TRAPPC9: variants seen among roughly 807,000 people sequenced by gnomAD.
The protein encoded by TRAPPC9 is trafficking protein particle complex subunit 9, also known as IKK2 binding protein.
In TRAPPC9, 83 loss-of-function variants were observed where a neutral mutation model predicts 124.0. The ratio of observed to expected loss-of-function variants is 0.67; its 90% CI spans 0.56 to 0.80. TRAPPC9 has a LOEUF of 0.80. Ranked by LOEUF, TRAPPC9 falls within the 30% of genes least tolerant of loss-of-function variation. The probability of loss-of-function intolerance (pLI) is 0.00; values close to 1 mark genes in which losing one functional copy is unlikely to be tolerated. For missense variants in TRAPPC9, 1,302 were observed against 1,508.3 expected, an observed-to-expected ratio of 0.86 and a Z score of 2.27; for synonymous variants, 638 against 617.5, an observed-to-expected ratio of 1.03 and a Z score of -0.49.
intron 16 of TRAPPC9, among the ~76,000 whole-genome samples, chr8:140,224,006 A>G (rs2063394426): frequency 6.6e-6 from 1 of 152,256 alleles, no homozygotes; most frequent in African/African-American, 2.4e-5. Flanking sequence ...AAAATGACAA[A>G]CTGATCTGTT....
intron 19 of TRAPPC9, among the ~76,000 whole-genome samples, chr8:139,975,849 T>C (rs2131632475): frequency 6.6e-6 from 1 of 151,782 alleles, no homozygotes; most frequent in South Asian, 2.1e-4. Flanking sequence ...ATAAGTGTCT[T>C]CAGAAAATAA....
intron 17 of TRAPPC9, among the ~76,000 whole-genome samples, chr8:140,196,907 C>G (rs964172289): frequency 1.5e-4 from 23 of 152,258 alleles, no homozygotes; most frequent in African/African-American, 5.3e-4. Context: ...ATCCACTATA[C>G]AGATCATACC....
intron 17 of TRAPPC9, among the ~76,000 whole-genome samples, chr8:140,155,261 T>G (rs895652238): frequency 2.0e-5 from 3 of 152,182 alleles, no homozygotes; most frequent in African/African-American, 7.2e-5. Context: ...CCAGACTCCC[T>G]CGCCTCAGGA....
At chr8:140,440,051 G>A (rs567245696) in intron 2 of TRAPPC9, among the ~76,000 whole-genome samples, 1 of 152,188 alleles carries the variant, frequency 6.6e-6, no homozygotes, top group South Asian at 2.1e-4. Flanking sequence ...CAAACTCTTT[G>A]TTACTCTGGA....
At chr8:139,796,316 T>C (rs941845418) in intron 21 of TRAPPC9, among the ~76,000 whole-genome samples, 4 of 152,190 alleles carry the variant, frequency 2.6e-5, no homozygotes, top group African/African-American at 4.8e-5. Context: ...TCAGTGATAC[T>C]GGGCTCACCA....
chr8:139,862,886 G>T (rs1294792029), intron 21 of TRAPPC9, among the ~76,000 whole-genome samples: 1 of 152,210 alleles, frequency 6.6e-6, no homozygotes, highest in Admixed American at 6.5e-5. Flanking sequence ...GTACAGACAT[G>T]TGTGCTCCGT....
In TRAPPC9 at chr8:140,357,522, C is replaced by T. The variant is rs114865506; in HGVS notation, c.1495+2528G>A. Reference sequence around the variant, plus strand: ...CAGGGATGGCACCCGAGATTCTAAGCCCCTACACAGAGTCCAGGCACTACC... The same window carrying T: ...CAGGGATGGCACCCGAGATTCTAAGTCCCTACACAGAGTCCAGGCACTACC... On this transcript the variant is annotated intron_variant, in intron 9 of 22. Transcript: ENST00000438773. 4.4e-3 allele frequency among the ~76,000 whole-genome samples: 665 copies of T among 152,036 alleles called. 6 individuals are homozygous for T. The highest frequency in any genetic ancestry group is 0.015 in the African/African-American group (627 of 41,464).
chr8:140,268,789 G>A (rs1241976567), intron 15 of TRAPPC9, among the ~76,000 whole-genome samples: 1 of 152,178 alleles, frequency 6.6e-6, no homozygotes, highest in Non-Finnish European at 1.5e-5. Flanking sequence ...ACGAAGTGTA[G>A]GCAAGGCATG....
intron 21 of TRAPPC9, among the ~76,000 whole-genome samples, chr8:139,810,561 C>A (rs1471929530): frequency 6.6e-6 from 1 of 152,174 alleles, no homozygotes; most frequent in Non-Finnish European, 1.5e-5. Flanking sequence ...TCTACCAGCA[C>A]ACCACTGCGT....
intron 19 of TRAPPC9, among the ~76,000 whole-genome samples, chr8:139,977,187 G>A (rs1587391903): frequency 6.6e-6 from 1 of 152,286 alleles, no homozygotes; most frequent in East Asian, 1.9e-4. Flanking sequence ...GCTTGAATGT[G>A]CCAGAACAGG....
intron 10 of TRAPPC9, among the ~76,000 whole-genome samples, chr8:140,310,690 G>A (rs1301978662): frequency 6.6e-6 from 1 of 152,066 alleles, no homozygotes; most frequent in Non-Finnish European, 1.5e-5. Flanking sequence ...GGAAACTCAG[G>A]GAGCTCGCCT....
intron 19 of TRAPPC9, among the ~76,000 whole-genome samples, chr8:139,981,660 T>C (rs1367174596): frequency 1.3e-5 from 2 of 152,244 alleles, no homozygotes; most frequent in Non-Finnish European, 2.9e-5. Flanking sequence ...GGGGCTGCTC[T>C]GACCTGGGAT....
chr8:140,136,226 T>C (rs1479100857), intron 17 of TRAPPC9, among the ~76,000 whole-genome samples: 1 of 151,530 alleles, frequency 6.6e-6, no homozygotes, highest in Admixed American at 6.6e-5. Context: ...AAGGACCTGG[T>C]ATGGATATTT....
chr8:140,216,976 A>G lies in TRAPPC9; in HGVS notation c.2556+4483T>C, dbSNP rs1256610662. On this transcript the variant is annotated intron_variant, in intron 17 of 22. Coordinates refer to ENST00000438773, the MANE Select transcript of TRAPPC9 (RefSeq NM_001160372.4). The surrounding 1 kb of genome is among the most constrained non-coding windows in gnomAD (Gnocchi z 4.1). Reference sequence around the variant, plus strand: ...CCCATCACACGGCACGCTGCTTAACACGGTCCTCAGTGGACAAGGCTGAGT... The same window carrying G: ...CCCATCACACGGCACGCTGCTTAACGCGGTCCTCAGTGGACAAGGCTGAGT... 2.0e-5 allele frequency among the ~76,000 whole-genome samples: 3 copies of G among 152,126 alleles called. No homozygotes were observed.
At chr8:140,440,629 T>TAAAAAA (rs1445009673) in intron 2 of TRAPPC9, among the ~76,000 whole-genome samples, 7 of 152,160 alleles carry the variant, frequency 4.6e-5, no homozygotes, top group Non-Finnish European at 1.0e-4. Flanking sequence ...ATTGCTTCTA[T>TAAAAAA]ACACACACAG....
chr8:140,452,257 A>G (rs1290309496), intron 1 of TRAPPC9, among the ~76,000 whole-genome samples: 1 of 151,666 alleles, frequency 6.6e-6, no homozygotes, highest in African/African-American at 2.4e-5. Flanking sequence ...CATCTTTACT[A>G]AAAATACAAA....
chr8:139,934,149 A>G (rs1833368747), intron 19 of TRAPPC9, among the ~76,000 whole-genome samples: 1 of 152,146 alleles, frequency 6.6e-6, no homozygotes, highest in African/African-American at 2.4e-5. Context: ...TCATTCAACA[A>G]AATGCTTTGT....
At chr8:140,124,724 G>A (rs1005384463) in intron 17 of TRAPPC9, among the ~76,000 whole-genome samples, 1 of 151,924 alleles carries the variant, frequency 6.6e-6, no homozygotes, top group African/African-American at 2.4e-5. Flanking sequence ...CCTCCGAGGG[G>A]AGGACCAAAA....
intron 17 of TRAPPC9, among the ~76,000 whole-genome samples, chr8:140,129,004 T>TATATATATA (rs1184610575): frequency 1.5e-5 from 2 of 137,192 alleles, no homozygotes; most frequent in African/African-American, 2.7e-5. Context: ...TATATATATA[T>TATATATATA]TAAAAAAAAA....
Sources: gnomAD v4.1 joint callset for allele counts (sites outside exome capture counted in the v4.1 genomes callset) on GRCh38, gnomAD v4.1.1 for gene constraint, Gnocchi (gnomAD v3.1) non-coding constraint, MANE v1.5 for transcripts, NCBI Gene and HGNC (gene_info 2026-07-23, HGNC 2026-07-21) for gene names.